Variants in PTPN9 observed in about 807,000 individuals in gnomAD.
PTPN9 encodes the protein protein tyrosine phosphatase non-receptor type 9.
PTPN9 carries 26 observed loss-of-function variants against 69.8 expected under a neutral mutation model. The ratio of observed to expected loss-of-function variants is 0.37; its 90% CI spans 0.27 to 0.52. PTPN9 has a LOEUF of 0.52. PTPN9 is among the 20% of genes least tolerant of loss of function. The pLI, the probability that PTPN9 is intolerant of heterozygous loss-of-function variation, is 0.91. For synonymous variants in PTPN9, 274 were observed against 272.5 expected (o/e 1.01, Z -0.05); for missense variants, 549 against 740.3 (o/e 0.74, Z 3.00).
intron 1 of PTPN9, among the ~76,000 whole-genome samples, chr15:75,563,580 C>T (rs1034151375): frequency 1.3e-5 from 2 of 152,138 alleles, no homozygotes; most frequent in African/African-American, 4.8e-5. Context: ...TTTTATGGCT[C>T]GGTAGTATTC....
chr15:75,480,697 C>A, intron 8 of PTPN9: 1 of 1,306,710 alleles, frequency 7.7e-7, no homozygotes. Flanking sequence ...ACCGCAGCCA[C>A]CGCCGCCCCA....
At chr15:75,531,714 A>G (rs1483057041) in intron 1 of PTPN9, among the ~76,000 whole-genome samples, 1 of 151,444 alleles carries the variant, frequency 6.6e-6, no homozygotes, top group Non-Finnish European at 1.5e-5. Flanking sequence ...TCCCGCCACC[A>G]CACCCGGCTA....
chr15:75,537,751 CT>C (rs1450423115), intron 1 of PTPN9, among the ~76,000 whole-genome samples: 1 of 14,186 alleles, frequency 7.0e-5, no homozygotes, highest in Non-Finnish European at 1.2e-4. Context: ...GAGACTCCAT[CT>C]CAAAAAAAAA....
chr15:75,513,257 T>C (rs1276004434), intron 5 of PTPN9: 1 of 455,854 alleles, frequency 2.2e-6, no homozygotes, highest in African/African-American at 2.0e-5. Context: ...GTTTTTGATT[T>C]GCTGGTAAAA....
intron 8 of PTPN9, among the ~76,000 whole-genome samples, chr15:75,485,479 C>T (rs1595949305): frequency 6.6e-6 from 1 of 150,778 alleles, no homozygotes; most frequent in South Asian, 2.1e-4. Flanking sequence ...CGCCATTCTC[C>T]TGCCTCAGCC....
chr15:75,535,000 A>AT (rs1334433596), intron 1 of PTPN9, among the ~76,000 whole-genome samples: 391 of 143,694 alleles, frequency 2.7e-3, no homozygotes, highest in Non-Finnish European at 3.2e-3. Flanking sequence ...ACTGAAAACG[A>AT]TTTTTTTTTT....
intron 7 of PTPN9, among the ~76,000 whole-genome samples, chr15:75,491,925 G>T (rs2074713248): frequency 6.6e-6 from 1 of 152,118 alleles, no homozygotes; most frequent in African/African-American, 2.4e-5. Context: ...TTGGGACAGG[G>T]TCTCAAAGGT....
intron 2 of PTPN9, among the ~76,000 whole-genome samples, chr15:75,526,545 A>G (rs1293354138): frequency 6.6e-6 from 1 of 152,184 alleles, no homozygotes; most frequent in Non-Finnish European, 1.5e-5. Flanking sequence ...CTAACTGAGA[A>G]AGCAAACAAG....
At chr15:75,501,171 C>G (rs1176967903) in intron 7 of PTPN9, among the ~76,000 whole-genome samples, 2 of 152,128 alleles carry the variant, frequency 1.3e-5, no homozygotes, top group Non-Finnish European at 2.9e-5. Context: ...CTAAAAGACT[C>G]TATCCCTGCA....
In PTPN9 at chr15:75,469,863, C is replaced by T; in HGVS notation, c.1496G>A (p.Gly499Glu). The change falls in exon 12 of 13, where the codon GGA (glycine) becomes GAA (glutamate). Residue 499 changes from glycine (G) to glutamate (E), a missense_variant. Physicochemically the swap from Gly to Glu is moderately conservative, Grantham distance 98. Around this residue, in one of 3 missense-constraint regions of PTPN9, gnomAD observed 457 missense variants for 661.9 expected, o/e 0.69. Coordinates refer to ENST00000618819, the MANE Select transcript of PTPN9 (RefSeq NM_002833.4). The stretch of plus-strand genomic sequence containing the variant: ...AGGGCACTGCCCTTTGGAGCGTGCT[C>T]CCATGTTGCTCACAGCCAGACTCTG... ...NQQSLAVSNM[G>E]ARSKGQCPEP... 6.2e-7 allele frequency: 1 copy of T among 1,614,020 alleles called. No homozygotes were observed. Among genetic ancestry groups the T allele is most frequent in the Non-Finnish European group, 8.5e-7 (1 of 1,180,042 alleles).
intron 1 of PTPN9, among the ~76,000 whole-genome samples, chr15:75,568,521 A>T (rs1410482627): frequency 4.2e-5 from 6 of 144,204 alleles, no homozygotes; most frequent in Non-Finnish European, 7.5e-5. Flanking sequence ...AAAAAAAAAA[A>T]AAACAAAACA....
Position 75,469,085 on chromosome 15 carries a change from G to C in PTPN9, c.1568-102C>G, listed in dbSNP as rs2074550918. 2.7e-6 allele frequency: 3 copies of C among 1,123,006 alleles called. No individual in the cohort carries two copies. The African/African-American group carries it at 4.7e-5, about 18-fold the overall frequency. 69.6% of individuals were successfully genotyped at this position (1,123,006 alleles called of 1,614,324 possible). ...CTGAATGAATGACTTCACAGGCAAA[G>C]TGCCTCATGGCAGAAGGCCAGGTGG... On this transcript the variant is annotated intron_variant, in intron 12 of 12. Transcript: ENST00000618819.
chr15:75,577,642 G>A (rs1468616511), intron 1 of PTPN9, among the ~76,000 whole-genome samples: 1 of 152,206 alleles, frequency 6.6e-6, no homozygotes, highest in African/African-American at 2.4e-5. Flanking sequence ...GCCAATAATA[G>A]TTTGTAAAAC....
intron 1 of PTPN9, among the ~76,000 whole-genome samples, chr15:75,553,119 T>C (rs1364930841): frequency 2.6e-5 from 4 of 152,060 alleles, no homozygotes; most frequent in Non-Finnish European, 5.9e-5. Context: ...GGAGAAAAGG[T>C]AATATTTGTA....
At chr15:75,545,463 A>C (rs2075028077) in intron 1 of PTPN9, among the ~76,000 whole-genome samples, 1 of 152,114 alleles carries the variant, frequency 6.6e-6, no homozygotes, top group Non-Finnish European at 1.5e-5. Context: ...AAGTAAGAGG[A>C]CAGCAAAAAA....
intron 1 of PTPN9, among the ~76,000 whole-genome samples, chr15:75,568,045 T>C (rs981254362): frequency 1.3e-5 from 2 of 151,288 alleles, no homozygotes; most frequent in Non-Finnish European, 1.5e-5. Context: ...CTCAGAAGCA[T>C]AAATTAAAGA....
chr15:75,479,997 C>A, intron 8 of PTPN9, 83 bp from the exon 9 acceptor site: 1 of 942,456 alleles, frequency 1.1e-6, no homozygotes, highest in Non-Finnish European at 1.6e-6. Context: ...TAAGTAAAAC[C>A]CAAGGTGTGA....
Position 75,578,717 on chromosome 15 carries a change from C to A in PTPN9, c.60G>T (p.Glu20Asp), listed in dbSNP as rs1399238708. ...CGGCGGCCTCGGGCCCGCTTACCTG[C>A]TCCTCCTCCGGGGTCAGCTCCGGCG... Reference protein sequence around the residue: ...DMAPELTPEEEQATKQFLEEI... With the variant: ...DMAPELTPEEDQATKQFLEEI... The change falls in exon 1 of 13, where the codon GAG (glutamate) becomes GAT (aspartate). Residue 20 changes from glutamate to aspartate, a missense_variant. By Grantham distance (45) the Glu-to-Asp change is conservative (BLOSUM62 2). Transcript: ENST00000618819. The A allele has an allele frequency of 7.3e-7, 1 of 1,371,178 alleles. No individual in the cohort carries two copies. Among genetic ancestry groups the A allele is most frequent in the Non-Finnish European group, 9.4e-7 (1 of 1,059,108 alleles). The allele number at this position is 1,371,178 out of a possible 1,614,324, so 84.9% of individuals were successfully genotyped here. A position where few individuals can be genotyped will look rare whatever the true frequency, so the allele number is the denominator to read the frequency against.
chr15:75,547,457 C>T (rs547973941), intron 1 of PTPN9, among the ~76,000 whole-genome samples: 9 of 151,796 alleles, frequency 5.9e-5, no homozygotes, highest in Non-Finnish European at 1.2e-4. Flanking sequence ...ATTAGCCAGG[C>T]GTGGTGGCAG....
Sources: gnomAD v4.1 joint callset for allele counts (sites outside exome capture counted in the v4.1 genomes callset) on GRCh38, gnomAD v4.1.1 for gene constraint, gnomAD v4.1.1 regional missense constraint, MANE v1.5 for transcripts, NCBI Gene and HGNC (gene_info 2026-07-23, HGNC 2026-07-21) for gene names.